Variants in MROH1 observed in about 807,000 individuals in gnomAD.
The protein encoded by MROH1 is maestro heat-like repeat-containing protein family member 1.
Under a neutral mutation model 116.5 loss-of-function variants are expected in MROH1, and 117 were observed. The ratio of observed to expected loss-of-function variants is 1.00; its 90% CI spans 0.86 to 1.17. MROH1 has a LOEUF of 1.17. MROH1 is among the 50% of genes most tolerant of loss of function. The pLI, the probability that MROH1 is intolerant of heterozygous loss-of-function variation, is 0.00. For synonymous variants in MROH1, 921 were observed against 583.9 expected, an observed-to-expected ratio of 1.58 and a Z score of -8.32; for missense variants, 1,873 against 1,338.5, an observed-to-expected ratio of 1.40 and a Z score of -6.23.
intron 12 of MROH1, among the ~76,000 whole-genome samples, chr8:144,218,168 GCAGTTTGCTGTCATAAA>G (rs1835693153): frequency 6.6e-6 from 1 of 152,156 alleles, no homozygotes; most frequent in Non-Finnish European, 1.5e-5. Flanking sequence ...TGGGCTCTTG[GCAGTTTGCTGTCATAAA>G]CAGGCCGCCC....
At chr8:144,241,205 CCTGTGTGT>C in intron 21 of MROH1, 94 bp downstream of exon 21, 2 of 704,740 alleles carry the variant, frequency 2.8e-6, no homozygotes, top group Non-Finnish European at 5.3e-6. Flanking sequence ...AGCCTGTGTG[CCTGTGTGT>C]GCGTGTGTGC....
Position 144,243,597 on chromosome 8 carries a change from A to G in MROH1, c.2456A>G (p.Glu819Gly), listed in dbSNP as rs1841386598. ...AGSFHFTRKA[E>G]LVAQMMEFIR... ...TCCTTCCACTTCACCCGGAAAGCAGAGCTGGTGGCACAGATGATGGTGAGC... is the reference window on the plus strand; with the variant it reads ...TCCTTCCACTTCACCCGGAAAGCAGGGCTGGTGGCACAGATGATGGTGAGC... Residue 819 changes from glutamate (E) to glycine (G), a missense_variant, in exon 25 of 44, where the codon GAG (glutamate) becomes GGG (glycine). Physicochemically the swap from Glu to Gly is moderately conservative, Grantham distance 98. Coordinates refer to ENST00000326134, the MANE Select transcript of MROH1 (RefSeq NM_032450.3). 2 of 779,778 alleles carry G rather than the reference A, an allele frequency of 2.6e-6. No homozygotes were observed. The highest frequency in any genetic ancestry group is 4.8e-6 in the Non-Finnish European group (2 of 417,816). The allele number at this position is 779,778 out of a possible 1,614,324, so 48.3% of individuals were successfully genotyped here.
chr8:144,203,666 C>CA (rs1832199782), intron 12 of MROH1, among the ~76,000 whole-genome samples: 1 of 152,110 alleles, frequency 6.6e-6, no homozygotes, highest in African/African-American at 2.4e-5. Flanking sequence ...AAGGGAGCCT[C>CA]AGAGGCATGG....
At chr8:144,156,552 T>A (rs1230263593) in intron 1 of MROH1, among the ~76,000 whole-genome samples, 1 of 150,702 alleles carries the variant, frequency 6.6e-6, no homozygotes, top group Admixed American at 6.6e-5. Context: ...CCTAAAAAAA[T>A]ACAAAAATTA....
At position 144,163,760 on chromosome 8, in the gene MROH1, G is replaced by A. The variant is rs181395144; in HGVS notation, c.-56-11G>A. ...CTTATGAATTAAATCTTGTGATTTTGGTTATTCCAGATGGGAGAAGAAGTT... is the reference window on the plus strand; with the variant it reads ...CTTATGAATTAAATCTTGTGATTTTAGTTATTCCAGATGGGAGAAGAAGTT... On this transcript the variant is annotated splice_polypyrimidine_tract_variant and intron_variant, in intron 2 of 43. Transcript: ENST00000326134. The surrounding 1 kb of genome is among the most constrained non-coding windows in gnomAD (Gnocchi z 4.4). 3.2e-6 allele frequency: 5 copies of A among 1,556,542 alleles called. No individual in the cohort carries two copies. In the African/African-American group the frequency reaches 5.4e-5, roughly 17 times the overall value.
At chr8:144,247,478 G>T in intron 30 of MROH1, 42 bp downstream of exon 30, 1 of 765,732 alleles carries the variant, frequency 1.3e-6, no homozygotes, top group Non-Finnish European at 2.4e-6. Context: ...GGTCGTGCAG[G>T]GGTGCTTGGA....
Position 144,242,434 on chromosome 8 carries a change from G to T in MROH1, c.2244G>T (p.Ala748=). ...SALILCYGHV[A]ARAPRELVLA... ...TGATCCTGTGCTATGGGCACGTGGC[G>T]GCCCGGGCCCCCCGGGAGCTGGTGC... The change falls in exon 23 of 44, where the codon GCG becomes GCT. Residue 748 remains alanine (A), a synonymous_variant. Transcript: ENST00000326134. 1.3e-6 allele frequency: 1 copy of T among 780,572 alleles called. No homozygotes were observed. The highest frequency in any genetic ancestry group is 1.7e-5 in the Admixed American group (1 of 59,016). The allele number at this position is 780,572 out of a possible 1,614,324, so 48.4% of individuals were successfully genotyped here. A position where few individuals can be genotyped will look rare whatever the true frequency, so the allele number is the denominator to read the frequency against.
chr8:144,217,393 C>A (rs1835505249), intron 12 of MROH1, among the ~76,000 whole-genome samples: 1 of 152,162 alleles, frequency 6.6e-6, no homozygotes, highest in African/African-American at 2.4e-5. Flanking sequence ...GACTTGGATT[C>A]CGTTTCCAGG....
chr8:144,251,656 T>C (rs1357950029), intron 33 of MROH1: 3 of 152,452 alleles, frequency 2.0e-5, no homozygotes, highest in South Asian at 2.1e-4. Context: ...CGGCGTTGAC[T>C]TGTATTTCCT....
At chr8:144,238,194 C>T (rs1292101205) in intron 14 of MROH1, among the ~76,000 whole-genome samples, 2,112 of 145,436 alleles carry the variant, frequency 0.015, 40 homozygotes, top group African/African-American at 0.049. Context: ...GTGTGACTTT[C>T]AGCTTCTGAA....
rs1844679392 is a variant in MROH1 at position 144,259,904 on chromosome 8, C to T, written c.4045-7C>T. The T allele has an allele frequency of 1.5e-5, 11 of 732,658 alleles. No homozygotes were observed. The highest frequency in any genetic ancestry group is 5.7e-5 in the Admixed American group (3 of 52,428). 45.4% of individuals were successfully genotyped at this position (732,658 alleles called of 1,614,324 possible). On this transcript the variant is annotated splice_region_variant and splice_polypyrimidine_tract_variant and intron_variant, in intron 37 of 43. Coordinates refer to ENST00000326134, the MANE Select transcript of MROH1 (RefSeq NM_032450.3). ...GGAGAGGGAAGTCACAGCACCTCTG[C>T]CTGCAGCTGCTGAACAGCAACGTGG...
At chr8:144,153,097 T>C (rs1817242990) in intron 1 of MROH1, among the ~76,000 whole-genome samples, 1 of 152,226 alleles carries the variant, frequency 6.6e-6, no homozygotes, top group Admixed American at 6.5e-5. Context: ...GAAGTTGGGA[T>C]TCCACGTGTG....
At chr8:144,162,170 C>T (rs1392350490) in intron 2 of MROH1, among the ~76,000 whole-genome samples, 1 of 150,982 alleles carries the variant, frequency 6.6e-6, no homozygotes, top group Non-Finnish European at 1.5e-5. Flanking sequence ...CTGCGACCTC[C>T]ACCTCCCGGG....
intron 35 of MROH1, among the ~76,000 whole-genome samples, chr8:144,258,422 G>A (rs1025002435): frequency 2.0e-5 from 3 of 152,202 alleles, no homozygotes; most frequent in Non-Finnish European, 1.5e-5. Flanking sequence ...GAACAGGCCC[G>A]GGGTGGGGGG....
chr8:144,158,044 G>A (rs1238189653), intron 1 of MROH1, among the ~76,000 whole-genome samples: 2 of 142,802 alleles, frequency 1.4e-5, no homozygotes, highest in African/African-American at 2.7e-5. Context: ...CCAGGTTGGA[G>A]TGCAGTGGTG....
chr8:144,256,002 C>T (rs1843689916), intron 35 of MROH1, among the ~76,000 whole-genome samples: 1 of 152,230 alleles, frequency 6.6e-6, no homozygotes, highest in Non-Finnish European at 1.5e-5. Flanking sequence ...CAGGCAGGAT[C>T]CGGGTGGTGC....
At position 144,241,088 on chromosome 8, in the gene MROH1, T is replaced by C. The variant is rs1240705079; in HGVS notation, c.2032T>C (p.Tyr678His). 1.3e-6 allele frequency: 1 copy of C among 772,948 alleles called. No individual in the cohort carries two copies. The highest frequency in any genetic ancestry group is 2.4e-6 in the Non-Finnish European group (1 of 414,770). 47.9% of individuals were successfully genotyped at this position (772,948 alleles called of 1,614,324 possible). A position where few individuals can be genotyped will look rare whatever the true frequency, so the allele number is the denominator to read the frequency against. ...HLQELLETAR[Y>H]QEEAEREGLA... is the part of the protein sequence containing the mutation. ...TCAAGAGCTGCTGGAGACGGCCAGA[T>C]ACCAGGAGGAGGCAGAACGCGAGGT... The change falls in exon 21 of 44, where the codon TAC (tyrosine) becomes CAC (histidine). Residue 678 changes from tyrosine (Y) to histidine (H), a missense_variant. Coordinates refer to ENST00000326134, the MANE Select transcript of MROH1 (RefSeq NM_032450.3).
In MROH1 at chr8:144,255,657, G is replaced by T; in HGVS notation, c.3743G>T (p.Arg1248Met). 1.3e-6 allele frequency: 1 copy of T among 769,222 alleles called. No homozygotes were observed. The highest frequency in any genetic ancestry group is 2.4e-6 in the Non-Finnish European group (1 of 413,474). 47.6% of individuals were successfully genotyped at this position (769,222 alleles called of 1,614,324 possible). Reference protein sequence around the residue: ...QLPRNLQAQERRGASPALATR... With the variant: ...QLPRNLQAQEMRGASPALATR... ...CCCCGGAACCTGCAGGCCCAGGAAA[G>T]GAGGGGTGCCAGTCCAGCCCTAGCC... Residue 1248 changes from arginine to methionine, a missense_variant, in exon 35 of 44, where the codon AGG (arginine) becomes ATG (methionine). Arg to Met is a moderately conservative substitution (Grantham distance 91). Coordinates refer to ENST00000326134, the MANE Select transcript of MROH1 (RefSeq NM_032450.3).
intron 7 of MROH1, among the ~76,000 whole-genome samples, chr8:144,181,278 A>AGTGATGGGGGAGGGGCCGG (rs1554792509): frequency 1.0e-5 from 1 of 95,742 alleles, no homozygotes; most frequent in African/African-American, 4.9e-5. Flanking sequence ...GGGAGGACCC[A>AGTGATGGGGGAGGGGCCGG]GTGATGGGGG....
Sources: allele counts gnomAD v4.1 joint callset (sites outside exome capture counted in the v4.1 genomes callset), GRCh38; gene constraint gnomAD v4.1.1; non-coding constraint Gnocchi (gnomAD v3.1); transcripts MANE v1.5; gene names NCBI Gene and HGNC (gene_info 2026-07-23, HGNC 2026-07-21).